The following SPEF2 variants were observed in gnomAD, a reference collection of about 807,000 sequenced individuals.
SPEF2 encodes the protein sperm flagellar and cilia associated 2.
SPEF2 carries 187 observed loss-of-function variants against 224.6 expected under a neutral mutation model. That is an observed-to-expected ratio of 0.83 (90% CI 0.74 to 0.94). SPEF2 has a LOEUF of 0.94. Ranked by LOEUF, SPEF2 falls within the 40% of genes least tolerant of loss-of-function variation. SPEF2 has a pLI of 0.00. For missense variants in SPEF2, 2,170 were observed against 2,135.6 expected (o/e 1.02, Z -0.32); for synonymous variants, 715 against 707.3 (o/e 1.01, Z -0.17).
chr5:35,651,144 C>A (rs868500971), intron 6 of SPEF2, among the ~76,000 whole-genome samples: 1 of 152,168 alleles, frequency 6.6e-6, no homozygotes, highest in Non-Finnish European at 1.5e-5. Flanking sequence ...CCCAGAAGTC[C>A]CATATAACAT....
chr5:35,633,715 A>G (rs563319315), intron 2 of SPEF2, among the ~76,000 whole-genome samples: 1 of 151,904 alleles, frequency 6.6e-6, no homozygotes, highest in South Asian at 2.1e-4. Context: ...TGCCTTCTTT[A>G]GTGTTAGATA....
chr5:35,638,982 C>G (rs1175874969), intron 2 of SPEF2, among the ~76,000 whole-genome samples: 2 of 152,098 alleles, frequency 1.3e-5, no homozygotes, highest in Admixed American at 6.5e-5. Context: ...CACAGAGGGC[C>G]TTTTGTGAAA....
At position 35,771,485 on chromosome 5, in the gene SPEF2, G is replaced by C. The variant is rs1023088558; in HGVS notation, c.3802-124G>C. On this transcript the variant is annotated intron_variant, in intron 26 of 36. Coordinates refer to ENST00000356031, the MANE Select transcript of SPEF2 (RefSeq NM_024867.4). ...GTGGGGTGTGTTTTGTAAAGTTCGA[G>C]TACGTGGGCACAATTGTTTACAGTG... 22 of 1,252,068 alleles carry C rather than the reference G, an allele frequency of 1.8e-5. No homozygotes were observed. The African/African-American group carries it at 3.4e-4, about 19-fold the overall frequency. 77.6% of individuals were successfully genotyped at this position (1,252,068 alleles called of 1,614,324 possible). A position where few individuals can be genotyped will look rare whatever the true frequency, so the allele number is the denominator to read the frequency against.
In SPEF2 at chr5:35,788,012, A is replaced by G. The variant is rs555888730; in HGVS notation, c.4448-4328A>G. 120 of 694,872 alleles carry G rather than the reference A, an allele frequency of 1.7e-4. 1 individual carries two copies. The South Asian group carries it at 1.7e-3, about 10-fold the overall frequency. The allele number at this position is 694,872 out of a possible 1,614,324, so 43.0% of individuals were successfully genotyped here. On this transcript the variant is annotated intron_variant, in intron 30 of 36. Transcript: ENST00000356031. Reference sequence around the variant, plus strand: ...ATGGCTTATATATGATGAGCTATTAAATCTTATGTTCTGCGCCTTGTGTCG... The same window carrying G: ...ATGGCTTATATATGATGAGCTATTAGATCTTATGTTCTGCGCCTTGTGTCG...
At chr5:35,651,391 C>T (rs59058264) in intron 6 of SPEF2, among the ~76,000 whole-genome samples, 14,258 of 152,188 alleles carry the variant, frequency 0.094, 781 homozygotes, top group East Asian at 0.18. Context: ...CCCTCACTTA[C>T]AGCAGGAGGA....
rs185330477 is a variant in SPEF2 at position 35,709,435 on chromosome 5, A to G, written c.2839+314A>G. The G allele has an allele frequency of 6.4e-6, 7 of 1,100,138 alleles. No homozygotes were observed. In the Admixed American group the frequency reaches 2.4e-4, roughly 38 times the overall value. 68.1% of individuals were successfully genotyped at this position (1,100,138 alleles called of 1,614,324 possible). A position where few individuals can be genotyped will look rare whatever the true frequency, so the allele number is the denominator to read the frequency against. On this transcript the variant is annotated intron_variant, in intron 19 of 36. Coordinates refer to ENST00000356031, the MANE Select transcript of SPEF2 (RefSeq NM_024867.4). Reference sequence around the variant, plus strand: ...AACTTCAGGCAGATCAAGAGGATACACGTCTGTGTGCTGAACTATAGAGTT... The same window carrying G: ...AACTTCAGGCAGATCAAGAGGATACGCGTCTGTGTGCTGAACTATAGAGTT...
At chr5:35,666,170 A>G (rs921000088) in intron 8 of SPEF2, among the ~76,000 whole-genome samples, 2 of 152,172 alleles carry the variant, frequency 1.3e-5, no homozygotes, top group African/African-American at 4.8e-5. Context: ...AGCTCCTCCA[A>G]AGCCCAAGTT....
rs780582665 is a variant in SPEF2, at chr5:35,659,059, G to A, written c.1019G>A (p.Arg340Gln). The change falls in exon 8 of 37, where the codon CGG becomes CAG. Residue 340 changes from arginine to glutamine, a missense_variant. Transcript: ENST00000356031. The part of the protein sequence containing the change: ...REEQLINRLM[R>Q]QSQQERRIAV... ...GAACAGCTGATTAACCGGCTGATGC[G>A]GCAGTCCCAGCAGGAGCGCAGGATT... 3.1e-6 allele frequency: 5 copies of A among 1,589,128 alleles called. No individual in the cohort carries two copies. Among genetic ancestry groups the A allele is most frequent in the Non-Finnish European group, 4.3e-6 (5 of 1,164,100 alleles).
intron 33 of SPEF2, among the ~76,000 whole-genome samples, chr5:35,799,140 G>A (rs966678815): frequency 6.6e-5 from 10 of 152,288 alleles, no homozygotes; most frequent in African/African-American, 2.2e-4. Flanking sequence ...ATCCTTAGAA[G>A]GTCCAGCACC....
At position 35,774,022 on chromosome 5, in the gene SPEF2, G is replaced by A; in HGVS notation, c.4078+1G>A. The A allele has an allele frequency of 6.2e-7, 1 of 1,611,460 alleles. No individual in the cohort carries two copies. The highest frequency in any genetic ancestry group is 1.1e-5 in the South Asian group (1 of 90,794). ...CACCTTGCTGCCTTGCAATTTGAAG[G>A]TAGCGATTGAAACGACTAAGATGAT... On this transcript the variant is annotated splice_donor_variant, in intron 28 of 36. Transcript: ENST00000356031. LOFTEE classifies it high-confidence loss of function.
intron 17 of SPEF2, 56 bp from the exon 18 acceptor site, chr5:35,705,595 G>A (rs2149578513): frequency 7.7e-7 from 1 of 1,301,358 alleles, no homozygotes; most frequent in Non-Finnish European, 1.0e-6. Flanking sequence ...TATGCTTAAT[G>A]TCATTCTAAT....
chr5:35,682,930 G>T (rs188648246), intron 10 of SPEF2, among the ~76,000 whole-genome samples: 4 of 152,272 alleles, frequency 2.6e-5, no homozygotes, highest in African/African-American at 9.6e-5. Flanking sequence ...CAATCAAGAA[G>T]GGAATCCAGT....
chr5:35,673,398 C>G (rs1490047841), intron 10 of SPEF2, among the ~76,000 whole-genome samples: 1 of 152,174 alleles, frequency 6.6e-6, no homozygotes, highest in East Asian at 1.9e-4. Context: ...TTTATATAAG[C>G]TGCTTACTAG....
rs1389510049 is a variant in SPEF2 at position 35,705,727 on chromosome 5, A to T, written c.2584A>T (p.Asn862Tyr). Reference sequence around the variant, plus strand: ...GCCAGAAAATATTTTGATAAAAATCAATGCTGAAATAGATAAGGAATCTTT... The same window carrying T: ...GCCAGAAAATATTTTGATAAAAATCTATGCTGAAATAGATAAGGAATCTTT... ...SEPENILIKI[N>Y]AEIDKESLCE... Residue 862 changes from asparagine (N) to tyrosine (Y), a missense_variant, in exon 18 of 37, where the codon AAT becomes TAT. By Grantham distance (143) the Asn-to-Tyr change is moderately radical (BLOSUM62 -2). Coordinates refer to ENST00000356031, the MANE Select transcript of SPEF2 (RefSeq NM_024867.4). 1 of 1,584,068 alleles carries T rather than the reference A, an allele frequency of 6.3e-7. No homozygotes were observed. The highest frequency in any genetic ancestry group is 8.6e-7 in the Non-Finnish European group (1 of 1,164,996).
At position 35,784,387 on chromosome 5, in the gene SPEF2, C is replaced by A. The variant is rs149414746; in HGVS notation, c.4447+5041C>A. On this transcript the variant is annotated intron_variant, in intron 30 of 36. Transcript: ENST00000356031. ...TCGCGATCCGCCCGCCTCAGCCTCCCAAAGTGCTGGGATTACAGGCATGAG... is the reference window on the plus strand; with the variant it reads ...TCGCGATCCGCCCGCCTCAGCCTCCAAAAGTGCTGGGATTACAGGCATGAG... Among the ~76,000 whole-genome samples the A allele has an allele frequency of 7.2e-3, 1,095 of 152,298 alleles. 15 individuals carry two copies. Among genetic ancestry groups the A allele is most frequent in the African/African-American group, 0.025 (1,052 of 41,580 alleles).
Position 35,644,344 on chromosome 5 carries a change from T to G in SPEF2, c.415-11T>G, listed in dbSNP as rs1747042922. ...TCTAATAAAATCTTTTGAAATGCTT[T>G]TTTCATTTAGAGACTTAGACACATG... On this transcript the variant is annotated splice_polypyrimidine_tract_variant and intron_variant, in intron 3 of 36. Transcript: ENST00000356031. The G allele has an allele frequency of 6.7e-7, 1 of 1,491,038 alleles. No homozygotes were observed. The highest frequency in any genetic ancestry group is 9.0e-7 in the Non-Finnish European group (1 of 1,116,814). The allele number at this position is 1,491,038 out of a possible 1,614,324, so 92.4% of individuals were successfully genotyped here. A position where few individuals can be genotyped will look rare whatever the true frequency, so the allele number is the denominator to read the frequency against.
chr5:35,652,955 G>A (rs1317746994), intron 6 of SPEF2, among the ~76,000 whole-genome samples: 2 of 152,016 alleles, frequency 1.3e-5, no homozygotes, highest in East Asian at 1.9e-4. Flanking sequence ...CAAAAGCAAT[G>A]ATTATACATA....
Position 35,714,256 on chromosome 5 carries a change from A to T in SPEF2, c.2914+1370A>T, listed in dbSNP as rs1290189997. Among the ~76,000 whole-genome samples the T allele has an allele frequency of 4.0e-5, 6 of 151,250 alleles. 1 individual carries two copies. Among genetic ancestry groups the T allele is most frequent in the Admixed American group, 3.3e-4 (5 of 15,078 alleles). On this transcript the variant is annotated intron_variant, in intron 20 of 36. Coordinates refer to ENST00000356031, the MANE Select transcript of SPEF2 (RefSeq NM_024867.4). ...TTCTTCAGAGAATTTTTCAACCATC[A>T]AAGAGTAAAGAGAACCTTGCAAATA...
chr5:35,676,953 G>A (rs1329507635), intron 10 of SPEF2, among the ~76,000 whole-genome samples: 1 of 152,092 alleles, frequency 6.6e-6, no homozygotes, highest in African/African-American at 2.4e-5. Context: ...ATTTGGTACA[G>A]TGGGCCTATA....
Sources: gnomAD v4.1 joint callset for allele counts (sites outside exome capture counted in the v4.1 genomes callset) on GRCh38, gnomAD v4.1.1 for gene constraint, MANE v1.5 for transcripts, NCBI Gene and HGNC (gene_info 2026-07-23, HGNC 2026-07-21) for gene names.